Variants in PDZD2 observed in about 807,000 individuals in gnomAD.
PDZD2 encodes PDZ domain containing 2, also known as PDZ domain-containing protein 2.
Under a neutral mutation model 220.7 loss-of-function variants are expected in PDZD2, and 90 were observed. The ratio of observed to expected loss-of-function variants is 0.41; its 90% confidence interval spans 0.34 to 0.49. The LOEUF (loss-of-function observed/expected upper bound fraction) is 0.49, where lower values mean the gene tolerates loss of function less well. Among genes scored for constraint, PDZD2 ranks in the 20% least tolerant of loss-of-function variants. The probability of loss-of-function intolerance (pLI) is 0.28; values close to 1 mark genes in which losing one functional copy is unlikely to be tolerated. For synonymous variants in PDZD2, 1,375 were observed against 1,450.5 expected (o/e 0.95, Z 1.18); for missense variants, 3,174 against 3,608.5 (o/e 0.88, Z 3.08).
In PDZD2 at chr5:31,847,863, T is replaced by A. The variant is rs1001698049; in HGVS notation, c.476+48139T>A. 14 of 520,066 alleles carry A rather than the reference T, an allele frequency of 2.7e-5. No individual in the cohort carries two copies. In the Admixed American group the frequency reaches 2.9e-4, roughly 11 times the overall value. The allele number at this position is 520,066 out of a possible 1,614,324, so 32.2% of individuals were successfully genotyped here. ...CAGAAGTTAATGCATTGGAAGCACA[T>A]CACGTGTCAGAATGTTGCAGATTAC... On this transcript the variant is annotated intron_variant, in intron 2 of 24. Transcript: ENST00000438447.
intron 1 of PDZD2, among the ~76,000 whole-genome samples, chr5:31,681,315 C>T (rs757395978): frequency 6.6e-6 from 1 of 152,158 alleles, no homozygotes; most frequent in Non-Finnish European, 1.5e-5. Flanking sequence ...GGCACAATCT[C>T]GGCTCACTGC....
At chr5:31,862,140 C>T (rs1410630145) in intron 2 of PDZD2, among the ~76,000 whole-genome samples, 1 of 121,312 alleles carries the variant, frequency 8.2e-6, no homozygotes, top group East Asian at 2.8e-4. Context: ...GAGTCTCGCT[C>T]TGTTGCCTAG....
intron 6 of PDZD2, among the ~76,000 whole-genome samples, chr5:32,023,734 A>T (rs62360025): frequency 6.6e-6 from 1 of 152,138 alleles, no homozygotes; most frequent in East Asian, 1.9e-4. Flanking sequence ...CTGGGTACAG[A>T]TGGCAGTGGG....
intron 3 of PDZD2, among the ~76,000 whole-genome samples, chr5:31,993,005 G>T (rs1253879499): frequency 6.6e-6 from 1 of 152,072 alleles, no homozygotes; most frequent in African/African-American, 2.4e-5. Context: ...CTTTTCAATG[G>T]TATCCACTAG....
At chr5:31,704,193 G>T (rs1747721614) in intron 1 of PDZD2, among the ~76,000 whole-genome samples, 1 of 151,950 alleles carries the variant, frequency 6.6e-6, no homozygotes. Context: ...TTGTATTTTT[G>T]GTAGAGACAG....
At chr5:31,674,356 A>T (rs1174945006) in intron 1 of PDZD2, among the ~76,000 whole-genome samples, 2 of 152,222 alleles carry the variant, frequency 1.3e-5, no homozygotes, top group East Asian at 3.8e-4. Context: ...TGCTACACTT[A>T]TGGCCTTTCT....
intron 2 of PDZD2, among the ~76,000 whole-genome samples, chr5:31,961,624 C>T (rs539910136): frequency 6.6e-6 from 1 of 151,532 alleles, no homozygotes; most frequent in South Asian, 2.1e-4. Context: ...CTTATTTGTT[C>T]TTCCTCTCAG....
chr5:31,674,915 G>T (rs969481745), intron 1 of PDZD2, among the ~76,000 whole-genome samples: 1 of 152,210 alleles, frequency 6.6e-6, no homozygotes, highest in Non-Finnish European at 1.5e-5. Flanking sequence ...CTGACCCAGG[G>T]GGGTGGAGGA....
At chr5:31,919,638 G>A (rs1348585377) in intron 2 of PDZD2, among the ~76,000 whole-genome samples, 2 of 147,866 alleles carry the variant, frequency 1.4e-5, no homozygotes, top group Admixed American at 6.8e-5. Context: ...GAGCCACAGC[G>A]CCCGGCCGTC....
At chr5:32,028,364 AC>A (rs1392565612) in intron 6 of PDZD2, among the ~76,000 whole-genome samples, 1 of 152,092 alleles carries the variant, frequency 6.6e-6, no homozygotes, top group Non-Finnish European at 1.5e-5. Context: ...TTTGCCCCCC[AC>A]CCCTAGAAGA....
chr5:31,798,775 T>G (rs936556429), intron 1 of PDZD2, 114 bp from the exon 2 acceptor site: 3 of 161,304 alleles, frequency 1.9e-5, no homozygotes, highest in African/African-American at 7.2e-5. Context: ...GGGTTTGTGC[T>G]TGGTGCCTGG....
At chr5:31,856,495 C>T (rs1243309394) in intron 2 of PDZD2, among the ~76,000 whole-genome samples, 3 of 152,214 alleles carry the variant, frequency 2.0e-5, no homozygotes, top group African/African-American at 7.2e-5. Context: ...CTCACCCTCT[C>T]TGAGCCTGCA....
intron 19 of PDZD2, among the ~76,000 whole-genome samples, chr5:32,080,347 C>CAAAAA (rs35491724): frequency 6.6e-4 from 36 of 54,228 alleles, no homozygotes; most frequent in South Asian, 2.7e-3. Flanking sequence ...GACTCCATCT[C>CAAAAA]AAAAAAAAAA....
intron 1 of PDZD2, among the ~76,000 whole-genome samples, chr5:31,735,525 G>A (rs916898420): frequency 2.0e-5 from 3 of 152,196 alleles, no homozygotes; most frequent in African/African-American, 7.2e-5. Flanking sequence ...CAGGCTGGGT[G>A]CAGTGGCTCA....
intron 24 of PDZD2, among the ~76,000 whole-genome samples, chr5:32,105,658 G>T (rs1744692064): frequency 1.3e-5 from 2 of 152,212 alleles, no homozygotes; most frequent in African/African-American, 4.8e-5. Context: ...TGTGCACTGT[G>T]TGACACCAAT....
chr5:31,803,706 C>A (rs1029320843), intron 2 of PDZD2, among the ~76,000 whole-genome samples: 2 of 151,910 alleles, frequency 1.3e-5, no homozygotes, highest in Non-Finnish European at 2.9e-5. Flanking sequence ...GAGGGGCAGC[C>A]TGTCGATGTT....
At chr5:31,662,678 G>C (rs1468383987) in intron 1 of PDZD2, among the ~76,000 whole-genome samples, 2 of 152,164 alleles carry the variant, frequency 1.3e-5, no homozygotes, top group Admixed American at 6.5e-5. Context: ...AGCCCAGGAT[G>C]GAGTGCAGTG....
chr5:31,989,423 T>TTTTTTTTTTTTTTTTATTTTTATTTA (rs1751014881), intron 3 of PDZD2, among the ~76,000 whole-genome samples: 24 of 134,750 alleles, frequency 1.8e-4, no homozygotes, highest in African/African-American at 7.0e-4. Flanking sequence ...TTTCTTTTCT[T>TTTTTTTTTTTTTTTTATTTTTATTTA]TTTTTTTTTT....
At chr5:31,843,271 C>CT (rs879376524) in intron 2 of PDZD2, 114 of 139,578 alleles carry the variant, frequency 8.2e-4, no homozygotes, top group East Asian at 1.1e-3. Context: ...CTTTTTCTTT[C>CT]TTTTTTTTTT....
Sources: gnomAD v4.1 joint callset for allele counts (sites outside exome capture counted in the v4.1 genomes callset) on GRCh38, gnomAD v4.1.1 for gene constraint, MANE v1.5 for transcripts, NCBI Gene and HGNC (gene_info 2026-07-23, HGNC 2026-07-21) for gene names.